Variants in STON2 observed in about 807,000 individuals in gnomAD.
STON2 encodes the protein stonin 2.
In STON2, 29 loss-of-function variants were observed where a neutral mutation model predicts 65.7. The ratio of observed to expected loss-of-function variants is 0.44; its 90% CI spans 0.33 to 0.60. The LOEUF (loss-of-function observed/expected upper bound fraction) is 0.60, where lower values mean the gene tolerates loss of function less well. STON2 is among the 20% of genes least tolerant of loss of function. STON2 has a pLI of 0.03. For missense variants in STON2, 1,054 were observed against 1,118.1 expected, an observed-to-expected ratio of 0.94 and a Z score of 0.82; for synonymous variants, 404 against 414.2, an observed-to-expected ratio of 0.98 and a Z score of 0.30.
rs1054570732 is a variant in STON2 at position 81,278,594 on chromosome 14, T to A, written c.888A>T (p.Glu296Asp). ...TGACTGGTGGTAAAGGGCAGCTGAC[T>A]TCATTGTCATCAAAGGTGACCCAGC... ...FPSWVTFDDN[E>D]VSCPLPPVTS... The change falls in exon 6 of 8, where the codon GAA becomes GAT. Residue 296 changes from glutamate (E) to aspartate (D), a missense_variant. Glu to Asp is a conservative substitution (Grantham distance 45). Transcript: ENST00000614646. 3 of 1,602,312 alleles carry A rather than the reference T, an allele frequency of 1.9e-6. No individual in the cohort carries two copies. Among genetic ancestry groups the A allele is most frequent in the Non-Finnish European group, 2.6e-6 (3 of 1,173,466 alleles).
chr14:81,354,657 A>T (rs1180093791), intron 4 of STON2, among the ~76,000 whole-genome samples: 1 of 152,216 alleles, frequency 6.6e-6, no homozygotes, highest in African/African-American at 2.4e-5. Flanking sequence ...GAGAATTTTG[A>T]CAAAAAAATA....
In STON2 at chr14:81,263,665, G is replaced by C. The variant is rs756772978; in HGVS notation, c.*4749C>G. On this transcript the variant is annotated 3_prime_UTR_variant, in exon 8 of 8. Coordinates refer to ENST00000614646, the MANE Select transcript of STON2 (RefSeq NM_001394390.1). ...ACAATTCTTCTTCCTATGTGGCCCA[G>C]GGAAGCCAAAAGATTGGACCTCCCT... 19 of 931,140 alleles carry C rather than the reference G, an allele frequency of 2.0e-5. No homozygotes were observed. Among genetic ancestry groups the C allele is most frequent in the Non-Finnish European group, 2.4e-5 (19 of 780,744 alleles). 57.7% of individuals were successfully genotyped at this position (931,140 alleles called of 1,614,324 possible).
chr14:81,346,391 C>G (rs1487481878), intron 4 of STON2, among the ~76,000 whole-genome samples: 1 of 152,000 alleles, frequency 6.6e-6, no homozygotes, highest in African/African-American at 2.4e-5. Context: ...AAGACCCAGG[C>G]CTTCCCCCAA....
intron 3 of STON2, among the ~76,000 whole-genome samples, chr14:81,391,554 A>G (rs1022147498): frequency 6.6e-6 from 1 of 152,196 alleles, no homozygotes; most frequent in Non-Finnish European, 1.5e-5. Flanking sequence ...CCAAGAGGGA[A>G]TTAGCTTATG....
At chr14:81,284,387 C>A (rs890485963) in intron 5 of STON2, among the ~76,000 whole-genome samples, 1 of 152,170 alleles carries the variant, frequency 6.6e-6, no homozygotes, top group African/African-American at 2.4e-5. Context: ...TCAGTGAACA[C>A]ATGAATGATA....
chr14:81,311,244 A>G (rs1047770322), intron 5 of STON2, among the ~76,000 whole-genome samples: 1 of 152,182 alleles, frequency 6.6e-6, no homozygotes, highest in Admixed American at 6.5e-5. Context: ...AGGCAGGAGA[A>G]GAGTATGGGA....
rs1555397665 is a variant in STON2 at position 81,306,220 on chromosome 14, C to CTATTTT, written c.742+17796_742+17797insAAAATA. Among the ~76,000 whole-genome samples, 11 of 69,510 alleles carry CTATTTT rather than the reference C, an allele frequency of 1.6e-4. 3 individuals are homozygous for CTATTTT. The highest frequency in any genetic ancestry group is 2.2e-4 in the Admixed American group (1 of 4,498). 45.6% of individuals were successfully genotyped at this position (69,510 alleles called of 152,430 possible). On this transcript the variant is annotated intron_variant, in intron 5 of 7. Coordinates refer to ENST00000614646, the MANE Select transcript of STON2 (RefSeq NM_001394390.1). ...TTATATATACACACACATACATACT[C>CTATTTT]TTTTTTTTTTTTTTTTTTTTTTTTT...
At chr14:81,405,460 G>GT (rs376505307) in intron 2 of STON2, among the ~76,000 whole-genome samples, 6,496 of 63,292 alleles carry the variant, frequency 0.1, 467 homozygotes, top group African/African-American at 0.19. Context: ...AGTTACTATT[G>GT]TTTTTTTTTT....
At chr14:81,378,329 C>A (rs1182666358) in intron 3 of STON2, among the ~76,000 whole-genome samples, 1 of 152,222 alleles carries the variant, frequency 6.6e-6, no homozygotes, top group African/African-American at 2.4e-5. Flanking sequence ...GATCCACCCA[C>A]CTCAACCTCC....
intron 4 of STON2, chr14:81,333,390 G>T: frequency 2.3e-6 from 1 of 434,446 alleles, no homozygotes. Context: ...GACAGCCAGG[G>T]AGGCTATTCT....
At chr14:81,322,079 G>T (rs28368780) in intron 5 of STON2, among the ~76,000 whole-genome samples, 1 of 152,186 alleles carries the variant, frequency 6.6e-6, no homozygotes, top group Admixed American at 6.5e-5. Context: ...AAAACCTGTC[G>T]TGTTTGCTGG....
chr14:81,276,664 A>C (rs558340953), intron 6 of STON2, among the ~76,000 whole-genome samples: 3 of 152,368 alleles, frequency 2.0e-5, no homozygotes, highest in Non-Finnish European at 2.9e-5. Flanking sequence ...TGAGAAGAAT[A>C]ATCCCTAGTT....
chr14:81,398,362 C>A lies in STON2; in HGVS notation c.21G>T (p.Val7=). MTTLDH[V]IATHQSEWVS... Reference sequence around the variant, plus strand: ...CCCATTCTGACTGGTGGGTGGCAATCACATGGTCCAAAGTCGTCATGCTAA... The same window carrying A: ...CCCATTCTGACTGGTGGGTGGCAATAACATGGTCCAAAGTCGTCATGCTAA... Residue 7 remains valine, a synonymous_variant, in exon 2 of 8, where the codon GTG becomes GTT. Coordinates refer to ENST00000614646, the MANE Select transcript of STON2 (RefSeq NM_001394390.1). The A allele has an allele frequency of 6.2e-7, 1 of 1,614,038 alleles. No individual in the cohort carries two copies. Among genetic ancestry groups the A allele is most frequent in the Non-Finnish European group, 8.5e-7 (1 of 1,179,966 alleles).
At chr14:81,315,778 G>A (rs1452126653) in intron 5 of STON2, among the ~76,000 whole-genome samples, 1 of 152,210 alleles carries the variant, frequency 6.6e-6, no homozygotes, top group African/African-American at 2.4e-5. Flanking sequence ...GTTTTAAGTG[G>A]TAAACAGAGC....
chr14:81,355,073 T>G (rs544891638), intron 4 of STON2, among the ~76,000 whole-genome samples: 4 of 151,082 alleles, frequency 2.6e-5, no homozygotes, highest in Non-Finnish European at 2.9e-5. Context: ...GACAGAACAT[T>G]TGAAATTATC....
At chr14:81,389,775 C>T (rs1899990385) in intron 3 of STON2, among the ~76,000 whole-genome samples, 2 of 152,214 alleles carry the variant, frequency 1.3e-5, no homozygotes, top group African/African-American at 4.8e-5. Context: ...AGGGAAGTTG[C>T]TTTAAATTCT....
chr14:81,411,073 G>C (rs1901132608), intron 2 of STON2, among the ~76,000 whole-genome samples: 2 of 152,184 alleles, frequency 1.3e-5, no homozygotes, highest in Admixed American at 6.5e-5. Context: ...TGCCTTTTCA[G>C]AGACATGGGG....
chr14:81,325,541 C>A (rs1896975790), intron 4 of STON2, among the ~76,000 whole-genome samples: 1 of 152,092 alleles, frequency 6.6e-6, no homozygotes, highest in African/African-American at 2.4e-5. Flanking sequence ...TTATTCTTAA[C>A]AATCTGTCCC....
intron 3 of STON2, among the ~76,000 whole-genome samples, chr14:81,383,159 C>T (rs1899616725): frequency 6.6e-6 from 1 of 152,200 alleles, no homozygotes; most frequent in Admixed American, 6.5e-5. Context: ...TCTGCTTCTT[C>T]TCCTTTCCTA....
Sources: gnomAD v4.1 joint callset for allele counts (sites outside exome capture counted in the v4.1 genomes callset) on GRCh38, gnomAD v4.1.1 for gene constraint, MANE v1.5 for transcripts, NCBI Gene and HGNC (gene_info 2026-07-23, HGNC 2026-07-21) for gene names.